EMC2: variants seen among roughly 807,000 people sequenced by gnomAD.
The protein encoded by EMC2 is ER membrane protein complex subunit 2.
EMC2 carries 37 observed loss-of-function variants against 51.6 expected under a neutral mutation model. The ratio of observed to expected loss-of-function variants is 0.72; its 90% CI spans 0.55 to 0.94. EMC2 has a LOEUF of 0.94. Among genes scored for constraint, EMC2 ranks in the 40% least tolerant of loss-of-function variants. The probability of loss-of-function intolerance (pLI) is 0.00; values close to 1 mark genes in which losing one functional copy is unlikely to be tolerated. For synonymous variants in EMC2, 131 were observed against 112.4 expected (o/e 1.17, Z -1.04); for missense variants, 359 against 350.9 (o/e 1.02, Z -0.18).
In EMC2 at chr8:108,461,901, C is replaced by T. The variant is rs367852205; in HGVS notation, c.363+5971C>T. On this transcript the variant is annotated intron_variant, in intron 5 of 10. Coordinates refer to ENST00000220853, the MANE Select transcript of EMC2 (RefSeq NM_014673.5). ...GTGGCTCACTGCAACCTCCGCCTCC[C>T]GGGTTCAAGTGATTCTCCTGCCTCA... 1.3e-4 allele frequency among the ~76,000 whole-genome samples: 20 copies of T among 152,188 alleles called. No individual in the cohort carries two copies. In the East Asian group the frequency reaches 1.5e-3, roughly 12 times the overall value.
At chr8:108,466,150 G>T (rs1159431214) in intron 5 of EMC2, among the ~76,000 whole-genome samples, 1 of 152,110 alleles carries the variant, frequency 6.6e-6, no homozygotes, top group Non-Finnish European at 1.5e-5. Context: ...ACTTGCCCAA[G>T]ATCTTACAGT....
At chr8:108,481,167 G>A (rs1811038601) in intron 10 of EMC2, among the ~76,000 whole-genome samples, 1 of 152,126 alleles carries the variant, frequency 6.6e-6, no homozygotes, top group African/African-American at 2.4e-5. Context: ...CGTGGGTTCT[G>A]TTATGTTGGT....
intron 5 of EMC2, among the ~76,000 whole-genome samples, chr8:108,456,679 G>A (rs1586179363): frequency 6.6e-6 from 1 of 152,006 alleles, no homozygotes; most frequent in African/African-American, 2.4e-5. Flanking sequence ...TACCTATATA[G>A]TAGTATTTGT....
chr8:108,456,524 T>C (rs1463432410), intron 5 of EMC2, among the ~76,000 whole-genome samples: 1 of 152,098 alleles, frequency 6.6e-6, no homozygotes, highest in Non-Finnish European at 1.5e-5. Context: ...ATTTCAATAA[T>C]TAGTATATGG....
chr8:108,448,380 T>C (rs1334411389), intron 1 of EMC2, among the ~76,000 whole-genome samples: 1 of 152,114 alleles, frequency 6.6e-6, no homozygotes, highest in African/African-American at 2.4e-5. Context: ...TGGCTCTGTG[T>C]CCCCACCCAA....
chr8:108,486,613 T>G lies in EMC2; in HGVS notation c.*15T>G. 6.3e-7 allele frequency: 1 copy of G among 1,586,676 alleles called. No homozygotes were observed. ...CCCAGTCTTAAGGTTTCAAAAACTC[T>G]TTGACATTAGATTTCACAACTGCAC... On this transcript the variant is annotated 3_prime_UTR_variant, in exon 11 of 11. Coordinates refer to ENST00000220853, the MANE Select transcript of EMC2 (RefSeq NM_014673.5).
At chr8:108,458,193 A>G (rs560597342) in intron 5 of EMC2, among the ~76,000 whole-genome samples, 4 of 152,340 alleles carry the variant, frequency 2.6e-5, no homozygotes, top group African/African-American at 7.2e-5. Context: ...ATGGCTTTGC[A>G]GGGTACATCC....
At chr8:108,476,085 C>T in intron 8 of EMC2, 122 bp downstream of exon 8, 1 of 533,394 alleles carries the variant, frequency 1.9e-6, no homozygotes. Context: ...ATCTGATGAG[C>T]ATTGAATTGT....
chr8:108,449,329 A>G (rs1166735079), intron 1 of EMC2, among the ~76,000 whole-genome samples: 5 of 149,990 alleles, frequency 3.3e-5, no homozygotes, highest in African/African-American at 9.9e-5. Context: ...GCTGGAGTGC[A>G]GTGGCACGAT....
chr8:108,448,671 T>A (rs1818938147), intron 1 of EMC2, among the ~76,000 whole-genome samples: 1 of 152,196 alleles, frequency 6.6e-6, no homozygotes, highest in South Asian at 2.1e-4. Flanking sequence ...CTCTTTCTTT[T>A]GTAAATTGCC....
intron 7 of EMC2, chr8:108,475,222 A>G (rs1025309600): frequency 2.0e-5 from 3 of 152,022 alleles, no homozygotes; most frequent in South Asian, 4.1e-4. Context: ...ATGTTTTTCC[A>G]GAGCTCTTTC....
At chr8:108,468,524 C>T (rs148609736) in intron 5 of EMC2, among the ~76,000 whole-genome samples, 1 of 151,820 alleles carries the variant, frequency 6.6e-6, no homozygotes, top group East Asian at 1.9e-4. Flanking sequence ...TTTTTAATTA[C>T]CCAAAATATT....
intron 4 of EMC2, among the ~76,000 whole-genome samples, chr8:108,453,982 A>G (rs1819094182): frequency 6.6e-6 from 1 of 151,978 alleles, no homozygotes; most frequent in African/African-American, 2.4e-5. Flanking sequence ...CTTTATCCCT[A>G]CTGATTTTTC....
At chr8:108,464,880 C>T (rs1217956722) in intron 5 of EMC2, among the ~76,000 whole-genome samples, 7 of 152,110 alleles carry the variant, frequency 4.6e-5, no homozygotes, top group Non-Finnish European at 8.8e-5. Flanking sequence ...TTTAAAATGC[C>T]GCATTTTCCA....
chr8:108,464,510 T>C (rs1388651380), intron 5 of EMC2, among the ~76,000 whole-genome samples: 1 of 152,178 alleles, frequency 6.6e-6, no homozygotes, highest in Non-Finnish European at 1.5e-5. Flanking sequence ...AAGTCTGTCA[T>C]TGAAGATCCA....
At chr8:108,468,335 A>G (rs1810774136) in intron 5 of EMC2, among the ~76,000 whole-genome samples, 1 of 152,070 alleles carries the variant, frequency 6.6e-6, no homozygotes, top group Non-Finnish European at 1.5e-5. Context: ...ATTGTGGCAC[A>G]TTTTTGTTTT....
intron 5 of EMC2, among the ~76,000 whole-genome samples, chr8:108,465,733 T>C (rs538957854): frequency 1.7e-4 from 26 of 152,236 alleles, no homozygotes; most frequent in Non-Finnish European, 3.1e-4. Flanking sequence ...AAAAATCTTC[T>C]AAACTTTGTG....
chr8:108,464,523 C>T (rs1819419174), intron 5 of EMC2, among the ~76,000 whole-genome samples: 1 of 152,212 alleles, frequency 6.6e-6, no homozygotes, highest in African/African-American at 2.4e-5. Flanking sequence ...AAGATCCATT[C>T]AAGCTCCTGT....
chr8:108,478,060 A>G (rs1333844240), intron 9 of EMC2, among the ~76,000 whole-genome samples: 1 of 152,094 alleles, frequency 6.6e-6, no homozygotes, highest in Non-Finnish European at 1.5e-5. Context: ...AGAAGGTAAC[A>G]TTAAAGTCAT....
Sources: gnomAD v4.1 joint callset for allele counts (sites outside exome capture counted in the v4.1 genomes callset) on GRCh38, gnomAD v4.1.1 for gene constraint, MANE v1.5 for transcripts, NCBI Gene and HGNC (gene_info 2026-07-23, HGNC 2026-07-21) for gene names.